ST6GALNAC5: variants seen among roughly 807,000 people sequenced by gnomAD.
The protein encoded by ST6GALNAC5 is alpha-N-acetylgalactosaminide alpha-2,6-sialyltransferase 5.
Under a neutral mutation model 33.6 loss-of-function variants are expected in ST6GALNAC5, and 27 were observed. The ratio of observed to expected loss-of-function variants is 0.80; its 90% confidence interval spans 0.59 to 1.11. The LOEUF is 1.11. ST6GALNAC5 is among the 50% of genes least tolerant of loss of function. The probability of loss-of-function intolerance (pLI) is 0.00; values close to 1 mark genes in which losing one functional copy is unlikely to be tolerated. For synonymous variants in ST6GALNAC5, 194 were observed against 171.2 expected (o/e 1.13, Z -1.04); for missense variants, 428 against 454.0 (o/e 0.94, Z 0.52).
chr1:77,001,767 G>T (rs1205108601), intron 2 of ST6GALNAC5, among the ~76,000 whole-genome samples: 1 of 148,570 alleles, frequency 6.7e-6, no homozygotes, highest in African/African-American at 2.5e-5. Flanking sequence ...TTTGTCTTTG[G>T]CTCTGTTTAT....
At position 77,053,360 on chromosome 1, in the gene ST6GALNAC5, C is replaced by A. The variant is rs1482910301; in HGVS notation, c.779+2995C>A. On this transcript the variant is annotated intron_variant, in intron 4 of 4. Coordinates refer to ENST00000477717, the MANE Select transcript of ST6GALNAC5 (RefSeq NM_030965.3). The stretch of plus-strand genomic sequence containing the variant: ...CATTGGAATATAGCCTCCCTGAGGG[C>A]AGAGTTCTGTGTGTTTACTTCAGTG... Among the ~76,000 whole-genome samples, 8 of 152,086 alleles carry A rather than the reference C, an allele frequency of 5.3e-5. No homozygotes were observed. The East Asian group carries it at 1.5e-3, about 29-fold the overall frequency.
chr1:76,981,259 C>T (rs540468268), intron 2 of ST6GALNAC5, among the ~76,000 whole-genome samples: 64 of 152,302 alleles, frequency 4.2e-4, no homozygotes, highest in South Asian at 1.5e-3. Context: ...TGACAGACTA[C>T]CTGGAAAAAT....
At chr1:76,994,362 G>T (rs1649846018) in intron 2 of ST6GALNAC5, among the ~76,000 whole-genome samples, 1 of 152,180 alleles carries the variant, frequency 6.6e-6, no homozygotes, top group African/African-American at 2.4e-5. Flanking sequence ...TTTCCAAAAT[G>T]ACTTTGTTGT....
intron 2 of ST6GALNAC5, among the ~76,000 whole-genome samples, chr1:76,876,902 G>C (rs1292465778): frequency 6.6e-6 from 1 of 152,202 alleles, no homozygotes; most frequent in Non-Finnish European, 1.5e-5. Flanking sequence ...CTGAGGGAGA[G>C]AAGGCAGGGT....
intron 2 of ST6GALNAC5, among the ~76,000 whole-genome samples, chr1:76,962,828 G>T (rs1648294772): frequency 6.6e-6 from 1 of 152,136 alleles, no homozygotes. Context: ...CAGATATATG[G>T]CTGCTGTTTT....
At chr1:76,953,845 T>G (rs1647847273) in intron 2 of ST6GALNAC5, among the ~76,000 whole-genome samples, 1 of 152,146 alleles carries the variant, frequency 6.6e-6, no homozygotes, top group Admixed American at 6.6e-5. Flanking sequence ...AGGTTTTAAA[T>G]CAAGGTTCAT....
chr1:77,026,074 T>C (rs1651220652), intron 2 of ST6GALNAC5, among the ~76,000 whole-genome samples: 2 of 152,244 alleles, frequency 1.3e-5, no homozygotes, highest in African/African-American at 4.8e-5. Context: ...TGGCAGTAAC[T>C]CACTGGGTGA....
At chr1:76,895,344 T>C (rs577354869) in intron 2 of ST6GALNAC5, among the ~76,000 whole-genome samples, 73 of 151,764 alleles carry the variant, frequency 4.8e-4, no homozygotes, top group South Asian at 4.2e-4. Flanking sequence ...CTGCTTCAAG[T>C]GGGATTAGGG....
chr1:76,967,747 C>T (rs147403453), intron 2 of ST6GALNAC5, among the ~76,000 whole-genome samples: 1,714 of 152,282 alleles, frequency 0.011, 36 homozygotes, highest in African/African-American at 0.039. Context: ...CTACACACTG[C>T]TTTAAATGTG....
chr1:77,009,800 G>A (rs1236217892), intron 2 of ST6GALNAC5, among the ~76,000 whole-genome samples: 1 of 152,152 alleles, frequency 6.6e-6, no homozygotes, highest in African/African-American at 2.4e-5. Context: ...ACCAGTCTTA[G>A]AGTATTTTCT....
chr1:77,030,356 CCT>C (rs758692245), intron 2 of ST6GALNAC5, among the ~76,000 whole-genome samples: 7 of 152,152 alleles, frequency 4.6e-5, no homozygotes, highest in African/African-American at 7.2e-5. Flanking sequence ...CCCCTGAGCC[CCT>C]GTTTCCTCAA....
At chr1:76,976,008 T>C (rs998324859) in intron 2 of ST6GALNAC5, among the ~76,000 whole-genome samples, 2 of 152,130 alleles carry the variant, frequency 1.3e-5, no homozygotes, top group Admixed American at 1.3e-4. Context: ...GGCACAAGAA[T>C]AGCTTGAAAC....
At chr1:76,874,578 C>T (rs1002022315) in intron 2 of ST6GALNAC5, among the ~76,000 whole-genome samples, 1 of 152,146 alleles carries the variant, frequency 6.6e-6, no homozygotes, top group African/African-American at 2.4e-5. Flanking sequence ...GGGCAGGAAG[C>T]GTCCAGCATG....
At chr1:77,034,651 G>A (rs982909664) in intron 2 of ST6GALNAC5, among the ~76,000 whole-genome samples, 14 of 152,172 alleles carry the variant, frequency 9.2e-5, no homozygotes, top group Non-Finnish European at 1.8e-4. Context: ...GTAATTGGGG[G>A]TTGAAATGCT....
chr1:76,931,587 T>G (rs1164709017), intron 2 of ST6GALNAC5, among the ~76,000 whole-genome samples: 1 of 152,170 alleles, frequency 6.6e-6, no homozygotes, highest in Non-Finnish European at 1.5e-5. Context: ...ACTATATTTA[T>G]AATATTTCAC....
At chr1:76,899,419 G>A (rs1167468388) in intron 2 of ST6GALNAC5, among the ~76,000 whole-genome samples, 1 of 152,050 alleles carries the variant, frequency 6.6e-6, no homozygotes, top group African/African-American at 2.4e-5. Flanking sequence ...TGGAAATAAG[G>A]GATCGGGGCA....
chr1:77,011,966 A>G (rs1407191398), intron 2 of ST6GALNAC5, among the ~76,000 whole-genome samples: 1 of 152,224 alleles, frequency 6.6e-6, no homozygotes, highest in Non-Finnish European at 1.5e-5. Flanking sequence ...ATCATTTTAC[A>G]GATGAGAAAA....
At chr1:77,020,381 T>C (rs1436541170) in intron 2 of ST6GALNAC5, among the ~76,000 whole-genome samples, 1 of 152,066 alleles carries the variant, frequency 6.6e-6, no homozygotes, top group Admixed American at 6.6e-5. Context: ...CATGCTTTTG[T>C]TTCCTTTGTT....
chr1:76,930,348 C>T (rs1647127649), intron 2 of ST6GALNAC5, among the ~76,000 whole-genome samples: 1 of 53,624 alleles, frequency 1.9e-5, no homozygotes, highest in Admixed American at 2.4e-4. Flanking sequence ...ACCCACTGGT[C>T]ATGTGCACCT....
Sources: allele counts gnomAD v4.1 joint callset (sites outside exome capture counted in the v4.1 genomes callset), GRCh38; gene constraint gnomAD v4.1.1; transcripts MANE v1.5; gene names NCBI Gene and HGNC (gene_info 2026-07-23, HGNC 2026-07-21).